Variants in SLC66A2 observed in about 807,000 individuals in gnomAD.
SLC66A2 encodes the protein PQ loop repeat containing 1.
A neutral mutation model predicts 25.5 loss-of-function variants in SLC66A2; 23 were observed. That is an observed-to-expected ratio of 0.90 (90% CI 0.65 to 1.28). The LOEUF (loss-of-function observed/expected upper bound fraction) is 1.28, where lower values mean the gene tolerates loss of function less well. Ranked by LOEUF, SLC66A2 falls within the 50% of genes most tolerant of loss-of-function variation. The pLI, the probability that SLC66A2 is intolerant of heterozygous loss-of-function variation, is 0.00. For missense variants in SLC66A2, 396 were observed against 373.1 expected (o/e 1.06, Z -0.51); for synonymous variants, 193 against 166.5 (o/e 1.16, Z -1.23).
In SLC66A2 at chr18:79,919,230, G is replaced by A; in HGVS notation, c.562C>T (p.Pro188Ser). The change falls in exon 5 of 6, where the codon CCC becomes TCC. Residue 188 changes from proline (P) to serine (S), a missense_variant. Transcript: ENST00000397778. The part of the protein sequence containing the change: ...AVLTEAMLGV[P>S]QLYRNHRHQS... ...TGGCGGTGGTTGCGGTAAAGCTGGG[G>A]CACACCCAGCATGGCTTCGGTCAGC... 1 of 1,613,146 alleles carries A rather than the reference G, an allele frequency of 6.2e-7. No homozygotes were observed. The highest frequency in any genetic ancestry group is 8.5e-7 in the Non-Finnish European group (1 of 1,180,022).
rs1264065103 is a variant in SLC66A2, at chr18:79,940,700, G to A, written c.337+2629C>T. The stretch of plus-strand genomic sequence containing the variant: ...TCTCCTGGCAGATGAGAGGACATGA[G>A]CCCACACCTTTCATCAAGACGCCCT... On this transcript the variant is annotated intron_variant, in intron 3 of 5. Transcript: ENST00000397778. The surrounding 1 kb of genome is among the most constrained non-coding windows in gnomAD (Gnocchi z 4.1). 6.6e-6 allele frequency among the ~76,000 whole-genome samples: 1 copy of A among 152,086 alleles called. No homozygotes were observed. Among genetic ancestry groups the A allele is most frequent in the African/African-American group, 2.4e-5 (1 of 41,424 alleles).
At chr18:79,928,458 C>A (rs925469627) in intron 4 of SLC66A2, among the ~76,000 whole-genome samples, 5 of 152,188 alleles carry the variant, frequency 3.3e-5, no homozygotes, top group African/African-American at 1.2e-4. Flanking sequence ...GTAGGCTCTT[C>A]CAGAACAGCA....
chr18:79,935,634 C>G (rs928356857), intron 3 of SLC66A2, among the ~76,000 whole-genome samples: 10 of 152,192 alleles, frequency 6.6e-5, no homozygotes, highest in Non-Finnish European at 1.5e-5. Context: ...AAAAAAGATA[C>G]AGCTTCCACC....
chr18:79,918,508 G>T lies in SLC66A2; in HGVS notation c.608+676C>A, dbSNP rs958951630. Reference sequence around the variant, plus strand: ...GGGGTCCCCAGTGAGGAGCGGGCCTGGGGGTCGAAAGTGTGAGGGACTAGA... The same window carrying T: ...GGGGTCCCCAGTGAGGAGCGGGCCTTGGGGTCGAAAGTGTGAGGGACTAGA... On this transcript the variant is annotated intron_variant, in intron 5 of 5. Transcript: ENST00000397778. This position sits in a 1 kb window ranked among gnomAD's most constrained non-coding sequence, Gnocchi z 4.0. Among the ~76,000 whole-genome samples, 1 of 152,064 alleles carries T rather than the reference G, an allele frequency of 6.6e-6. No homozygotes were observed. The highest frequency in any genetic ancestry group is 1.5e-5 in the Non-Finnish European group (1 of 68,006).
chr18:79,949,711 A>G (rs1433431548), intron 2 of SLC66A2: 1 of 152,418 alleles, frequency 6.6e-6, no homozygotes, highest in Non-Finnish European at 1.5e-5. Context: ...GTACGTGATT[A>G]CTCAGTGACC....
In SLC66A2 at chr18:79,950,798, C is replaced by A; in HGVS notation, c.129G>T (p.Thr43=). ...AGGTGGAGAAGCCGTCGGCGTTCTGCGTCCTGCGAATGTCCCGATACTGCG... is the reference window on the plus strand; with the variant it reads ...AGGTGGAGAAGCCGTCGGCGTTCTGAGTCCTGCGAATGTCCCGATACTGCG... ...YVPQYRDIRR[T]QNADGFSTYV... is the part of the protein sequence containing the mutation. The change falls in exon 2 of 6, where the codon ACG becomes ACT. Residue 43 remains threonine, a synonymous_variant. Transcript: ENST00000397778. 1 of 1,613,186 alleles carries A rather than the reference C, an allele frequency of 6.2e-7. No individual in the cohort carries two copies. Among genetic ancestry groups the A allele is most frequent in the South Asian group, 1.1e-5 (1 of 91,084 alleles).
chr18:79,951,339 C>T (rs1359699168), intron 1 of SLC66A2, among the ~76,000 whole-genome samples: 1 of 151,186 alleles, frequency 6.6e-6, no homozygotes, highest in Non-Finnish European at 1.5e-5. Flanking sequence ...GGGCGCAGGG[C>T]CCAGGATCGG....
intron 5 of SLC66A2, among the ~76,000 whole-genome samples, chr18:79,909,555 C>G (rs1290279366): frequency 6.8e-6 from 1 of 146,156 alleles, no homozygotes; most frequent in African/African-American, 2.5e-5. Context: ...TCCCCACACC[C>G]TCACCAGAGT....
chr18:79,946,081 G>A (rs143977414), intron 2 of SLC66A2, among the ~76,000 whole-genome samples: 11 of 152,330 alleles, frequency 7.2e-5, no homozygotes, highest in Admixed American at 1.3e-4. Context: ...ATGACGAGAC[G>A]GAGGAGGAGG....
At position 79,918,629 on chromosome 18, in the gene SLC66A2, C is replaced by A. The variant is rs954318750; in HGVS notation, c.608+555G>T. On this transcript the variant is annotated intron_variant, in intron 5 of 5. Transcript: ENST00000397778. This position sits in a 1 kb window ranked among gnomAD's most constrained non-coding sequence, Gnocchi z 4.0. ...GAGCCCGTGGGCATCATGCTGCTCG[C>A]GTTGTGCCCTACCTCTGGCGGTCAC... 6.6e-6 allele frequency among the ~76,000 whole-genome samples: 1 copy of A among 152,248 alleles called. No individual in the cohort carries two copies. Among genetic ancestry groups the A allele is most frequent in the African/African-American group, 2.4e-5 (1 of 41,460 alleles).
intron 5 of SLC66A2, among the ~76,000 whole-genome samples, chr18:79,912,519 GGCCACGTGTCACCA>G (rs1188743228): frequency 1.8e-4 from 27 of 151,530 alleles, no homozygotes; most frequent in South Asian, 4.2e-4. Context: ...CGTGTCGCCA[GGCCACGTGTCACCA>G]GGCCACGTGT....
chr18:79,914,934 C>A (rs1442228021), intron 5 of SLC66A2, among the ~76,000 whole-genome samples: 1 of 152,260 alleles, frequency 6.6e-6, no homozygotes, highest in African/African-American at 2.4e-5. Flanking sequence ...CTCCAGAATT[C>A]ACACTCGGGT....
rs1213173722 is a variant in SLC66A2 at position 79,943,608 on chromosome 18, G to C, written c.204-146C>G. On this transcript the variant is annotated intron_variant, in intron 2 of 5. Coordinates refer to ENST00000397778, the MANE Select transcript of SLC66A2 (RefSeq NM_025078.5). ...CTGAACCTGCAGCCGGAGAGACCCT[G>C]TGTCAGGCCCACCCACATCGCCTCT... 5.4e-6 allele frequency: 5 copies of C among 929,828 alleles called. No homozygotes were observed. The East Asian group carries it at 1.3e-4, about 25-fold the overall frequency. 57.6% of individuals were successfully genotyped at this position (929,828 alleles called of 1,614,324 possible).
rs1007158003 is a variant in SLC66A2 at position 79,918,745 on chromosome 18, A to G, written c.608+439T>C. The stretch of plus-strand genomic sequence containing the variant: ...TGCCCAGCCTTCTACCACATACCTC[A>G]GAGGCCGGAGGCCGTGCTGGGGCCA... On this transcript the variant is annotated intron_variant, in intron 5 of 5. Coordinates refer to ENST00000397778, the MANE Select transcript of SLC66A2 (RefSeq NM_025078.5). This position sits in a 1 kb window ranked among gnomAD's most constrained non-coding sequence, Gnocchi z 4.0. Among the ~76,000 whole-genome samples, 6 of 152,204 alleles carry G rather than the reference A, an allele frequency of 3.9e-5. No individual in the cohort carries two copies. Among genetic ancestry groups the G allele is most frequent in the African/African-American group, 1.2e-4 (5 of 41,456 alleles).
chr18:79,935,741 T>A (rs1987018622), intron 3 of SLC66A2, among the ~76,000 whole-genome samples: 1 of 152,040 alleles, frequency 6.6e-6, no homozygotes, highest in African/African-American at 2.4e-5. Context: ...CAGCAGAGCC[T>A]GGGTGGAGGT....
chr18:79,933,720 G>A (rs1986794727), intron 4 of SLC66A2, among the ~76,000 whole-genome samples: 2 of 152,216 alleles, frequency 1.3e-5, no homozygotes, highest in South Asian at 4.1e-4. Context: ...CTCCCTTCCT[G>A]TCTCCCTCCT....
chr18:79,914,974 G>A (rs1245242114), intron 5 of SLC66A2, among the ~76,000 whole-genome samples: 3 of 152,256 alleles, frequency 2.0e-5, no homozygotes, highest in East Asian at 3.8e-4. Context: ...AAGGTGAAAC[G>A]CGGCGTCAGA....
chr18:79,911,813 G>A (rs1271576082), intron 5 of SLC66A2, among the ~76,000 whole-genome samples: 1 of 145,064 alleles, frequency 6.9e-6, no homozygotes, highest in Non-Finnish European at 1.5e-5. Context: ...AGGCAGCAGG[G>A]AGGGGATGGA....
At position 79,918,610 on chromosome 18, in the gene SLC66A2, G is replaced by A. The variant is rs1004646839; in HGVS notation, c.608+574C>T. On this transcript the variant is annotated intron_variant, in intron 5 of 5. Transcript: ENST00000397778. The surrounding 1 kb of genome is among the most constrained non-coding windows in gnomAD (Gnocchi z 4.0). Reference sequence around the variant, plus strand: ...TCCATCCAGGACCTTGACTGAGCCCGTGGGCATCATGCTGCTCGCGTTGTG... The same window carrying A: ...TCCATCCAGGACCTTGACTGAGCCCATGGGCATCATGCTGCTCGCGTTGTG... Among the ~76,000 whole-genome samples the A allele has an allele frequency of 5.3e-5, 8 of 152,354 alleles. No individual in the cohort carries two copies. The highest frequency in any genetic ancestry group is 2.1e-4 in the South Asian group (1 of 4,830).
Sources: allele counts gnomAD v4.1 joint callset (sites outside exome capture counted in the v4.1 genomes callset), GRCh38; gene constraint gnomAD v4.1.1; non-coding constraint Gnocchi (gnomAD v3.1); transcripts MANE v1.5; gene names NCBI Gene and HGNC (gene_info 2026-07-23, HGNC 2026-07-21).